PPM1H: variants seen among roughly 807,000 people sequenced by gnomAD.
PPM1H encodes the protein protein phosphatase, Mg2+/Mn2+ dependent 1H.
PPM1H carries 27 observed loss-of-function variants against 54.9 expected under a neutral mutation model. The ratio of observed to expected loss-of-function variants is 0.49; its 90% CI spans 0.36 to 0.68. The LOEUF (loss-of-function observed/expected upper bound fraction) is 0.68. PPM1H is among the 30% of genes least tolerant of loss of function. The probability of loss-of-function intolerance (pLI) is 0.00; values close to 1 mark genes in which losing one functional copy is unlikely to be tolerated. For synonymous variants in PPM1H, 305 were observed against 270.8 expected (o/e 1.13, Z -1.24); for missense variants, 596 against 667.8 (o/e 0.89, Z 1.19).
At chr12:62,752,284 A>G (rs897251621) in intron 4 of PPM1H, among the ~76,000 whole-genome samples, 1 of 152,246 alleles carries the variant, frequency 6.6e-6, no homozygotes, top group East Asian at 1.9e-4. Flanking sequence ...GTAGAATAGT[A>G]ATTTACTTGG....
At chr12:62,766,616 T>C (rs562153641) in intron 4 of PPM1H, among the ~76,000 whole-genome samples, 2 of 152,118 alleles carry the variant, frequency 1.3e-5, no homozygotes, top group Admixed American at 6.5e-5. Context: ...CTAAATTGCA[T>C]ATGAGAGAAA....
At chr12:62,793,083 A>T (rs2120719474) in intron 3 of PPM1H, among the ~76,000 whole-genome samples, 1 of 152,300 alleles carries the variant, frequency 6.6e-6, no homozygotes, top group East Asian at 1.9e-4. Flanking sequence ...GCAAGGACTG[A>T]TTTAGAATAT....
intron 1 of PPM1H, among the ~76,000 whole-genome samples, chr12:62,863,868 T>G (rs1036850375): frequency 1.3e-5 from 2 of 152,246 alleles, no homozygotes; most frequent in South Asian, 4.1e-4. Flanking sequence ...CCTAATTTCA[T>G]TCCCAATGCT....
chr12:62,828,710 A>C (rs1868316701), intron 2 of PPM1H, among the ~76,000 whole-genome samples: 1 of 152,198 alleles, frequency 6.6e-6, no homozygotes, highest in Non-Finnish European at 1.5e-5. Flanking sequence ...CTTCCTCACT[A>C]GGTAATGGTT....
chr12:62,887,284 A>G (rs1397275352), intron 1 of PPM1H, among the ~76,000 whole-genome samples: 2 of 152,228 alleles, frequency 1.3e-5, no homozygotes, highest in South Asian at 2.1e-4. Flanking sequence ...CCAAAAGTTC[A>G]TGTATGAAAC....
chr12:62,873,745 C>G (rs137891992), intron 1 of PPM1H, among the ~76,000 whole-genome samples: 2 of 152,144 alleles, frequency 1.3e-5, no homozygotes, highest in Non-Finnish European at 2.9e-5. Context: ...TTTGTGGGGA[C>G]GGGAATAAAT....
intron 4 of PPM1H, among the ~76,000 whole-genome samples, chr12:62,743,744 A>T (rs2076394935): frequency 1.3e-5 from 2 of 152,118 alleles, no homozygotes; most frequent in African/African-American, 4.8e-5. Flanking sequence ...AAATATGATT[A>T]GGCAACTGAC....
chr12:62,780,974 C>T (rs996922881), intron 4 of PPM1H, among the ~76,000 whole-genome samples: 5 of 152,236 alleles, frequency 3.3e-5, no homozygotes, highest in Admixed American at 1.3e-4. Flanking sequence ...TGAGACTTCC[C>T]AGCTTAGCCT....
intron 1 of PPM1H, among the ~76,000 whole-genome samples, chr12:62,895,167 A>G (rs1170620628): frequency 1.3e-5 from 2 of 152,228 alleles, no homozygotes; most frequent in East Asian, 1.9e-4. Flanking sequence ...CAGTTCCACT[A>G]TGTGTCCTCT....
intron 4 of PPM1H, among the ~76,000 whole-genome samples, chr12:62,770,810 C>T (rs968173031): frequency 2.6e-5 from 4 of 152,084 alleles, no homozygotes; most frequent in Admixed American, 2.6e-4. Flanking sequence ...CCTGGTGGCC[C>T]ACAGTAGGGA....
intron 8 of PPM1H, among the ~76,000 whole-genome samples, chr12:62,670,626 GATAC>G (rs2075951786): frequency 6.6e-6 from 1 of 152,148 alleles, no homozygotes; most frequent in Admixed American, 6.5e-5. Flanking sequence ...GGTGTGGGTT[GATAC>G]ATACACACGT....
rs570422757 is a variant in PPM1H at position 62,775,252 on chromosome 12, G to A, written c.869+12974C>T. On this transcript the variant is annotated intron_variant, in intron 4 of 9. Transcript: ENST00000228705. The stretch of plus-strand genomic sequence containing the variant: ...TCCCCCAGGTGATTCTGATGTACAG[G>A]CAAGTCCGGCAGCCTCTGGACCAGA... 5.9e-5 allele frequency among the ~76,000 whole-genome samples: 9 copies of A among 152,290 alleles called. No homozygotes were observed. In the East Asian group the frequency reaches 1.7e-3, roughly 29 times the overall value.
Position 62,693,868 on chromosome 12 carries a change from C to A in PPM1H, c.1137+68G>T, listed in dbSNP as rs367564688. The A allele has an allele frequency of 3.5e-6, 5 of 1,416,690 alleles. 1 individual carries two copies. The Middle Eastern group carries it at 5.5e-4, about 156-fold the overall frequency. The allele number at this position is 1,416,690 out of a possible 1,614,324, so 87.8% of individuals were successfully genotyped here. ...GCTGAGTGGAACACACGGACTGCCA[C>A]GGGCTATGTGGAGCGAAGGCGGGAC... On this transcript the variant is annotated intron_variant, in intron 7 of 9. Coordinates refer to ENST00000228705, the MANE Select transcript of PPM1H (RefSeq NM_020700.2).
At chr12:62,804,911 G>A (rs1469153904) in intron 2 of PPM1H, among the ~76,000 whole-genome samples, 2 of 151,822 alleles carry the variant, frequency 1.3e-5, no homozygotes, top group Non-Finnish European at 1.5e-5. Context: ...TCCTGACCTC[G>A]TGATCCGCCC....
chr12:62,805,441 C>A (rs549827781), intron 2 of PPM1H, among the ~76,000 whole-genome samples: 1 of 152,288 alleles, frequency 6.6e-6, no homozygotes, highest in East Asian at 1.9e-4. Context: ...ACTGAAACAA[C>A]CTTAGCATCC....
intron 1 of PPM1H, among the ~76,000 whole-genome samples, chr12:62,842,630 C>T (rs1039567585): frequency 6.6e-6 from 1 of 152,060 alleles, no homozygotes; most frequent in Admixed American, 6.5e-5. Context: ...CTTAAAGTAA[C>T]ACAAGAGGAA....
chr12:62,915,174 G>T (rs1010384102), intron 1 of PPM1H, among the ~76,000 whole-genome samples: 4 of 152,156 alleles, frequency 2.6e-5, no homozygotes, highest in African/African-American at 7.2e-5. Flanking sequence ...TGTTGTTGTT[G>T]TTAAGAGTTA....
At chr12:62,823,190 T>C (rs369189844) in intron 2 of PPM1H, among the ~76,000 whole-genome samples, 5 of 151,884 alleles carry the variant, frequency 3.3e-5, no homozygotes, top group East Asian at 3.9e-4. Context: ...CAAGACTAAA[T>C]TGGGAAGAAG....
At chr12:62,857,559 T>C (rs1030704821) in intron 1 of PPM1H, among the ~76,000 whole-genome samples, 1 of 152,170 alleles carries the variant, frequency 6.6e-6, no homozygotes, top group Non-Finnish European at 1.5e-5. Context: ...TCTTTATAAG[T>C]CCAAATTGAA....
Sources: gnomAD v4.1 joint callset for allele counts (sites outside exome capture counted in the v4.1 genomes callset) on GRCh38, gnomAD v4.1.1 for gene constraint, MANE v1.5 for transcripts, NCBI Gene and HGNC (gene_info 2026-07-23, HGNC 2026-07-21) for gene names.